Variants in USP45 observed in about 807,000 individuals in gnomAD.
USP45 encodes ubiquitin specific peptidase 45.
Under a neutral mutation model 95.8 loss-of-function variants are expected in USP45, and 89 were observed. The observed-to-expected ratio is 0.93, with a 90% CI of 0.78 to 1.11. The LOEUF (loss-of-function observed/expected upper bound fraction) is 1.11, where lower values mean the gene tolerates loss of function less well. Ranked by LOEUF, USP45 falls within the 50% of genes least tolerant of loss-of-function variation. USP45 has a pLI of 0.00. For missense variants in USP45, 898 were observed against 942.5 expected (o/e 0.95, Z 0.62); for synonymous variants, 281 against 316.2 (o/e 0.89, Z 1.18).
chr6:99,461,057 G>C, intron 13 of USP45: 1 of 985,156 alleles, frequency 1.0e-6, no homozygotes, highest in Non-Finnish European at 1.2e-6. Context: ...AATTGTACCA[G>C]AGCACAATGC....
At chr6:99,455,625 T>A (rs1393529140) in intron 13 of USP45, among the ~76,000 whole-genome samples, 2 of 151,882 alleles carry the variant, frequency 1.3e-5, no homozygotes, top group Non-Finnish European at 2.9e-5. Context: ...ATGGAATCAA[T>A]CTAAGTGTCC....
At position 99,448,263 on chromosome 6, in the gene USP45, A is replaced by G. The variant is rs532137673; in HGVS notation, c.1309-1800T>C. Among the ~76,000 whole-genome samples, 15 of 152,340 alleles carry G rather than the reference A, an allele frequency of 9.8e-5. 1 individual carries two copies. The South Asian group carries it at 3.1e-3, about 32-fold the overall frequency. ...TCTCCTAGCTAAATGAGGAAGTTCG[A>G]ACCCAATGCAAATAAGTTAAAAACC... On this transcript the variant is annotated intron_variant, in intron 13 of 17. Transcript: ENST00000500704.
intron 13 of USP45, among the ~76,000 whole-genome samples, chr6:99,453,166 TAAAAAA>T (rs1784275306): frequency 1.7e-4 from 3 of 17,210 alleles, no homozygotes; most frequent in Non-Finnish European, 2.7e-4. Flanking sequence ...CCCTAGAACT[TAAAAAA>T]GAAAAAAAAA....
At chr6:99,443,794 A>C (rs911221857) in intron 14 of USP45, 132 bp from the exon 15 acceptor site, 2 of 582,892 alleles carry the variant, frequency 3.4e-6, no homozygotes, top group Admixed American at 6.7e-5. Context: ...TGATGAAAGG[A>C]CAGTCTTTAC....
intron 5 of USP45, among the ~76,000 whole-genome samples, chr6:99,500,449 C>T (rs749158871): frequency 3.3e-5 from 5 of 152,114 alleles, no homozygotes; most frequent in Admixed American, 6.6e-5. Context: ...TCCATCATAC[C>T]GTCCATGCTC....
At position 99,473,825 on chromosome 6, in the gene USP45, T is replaced by G. The variant is rs557750480; in HGVS notation, c.933+2318A>C. ...ACAAATTCACAGAACATCTACTATG[T>G]GCAAGGCACACAGGACAGAGACAAT... On this transcript the variant is annotated intron_variant, in intron 9 of 17. Coordinates refer to ENST00000500704, the MANE Select transcript of USP45 (RefSeq NM_001346022.3). 3.5e-4 allele frequency among the ~76,000 whole-genome samples: 35 copies of G among 100,704 alleles called. 1 individual carries two copies. The highest frequency in any genetic ancestry group is 1.3e-3 in the African/African-American group (32 of 25,568). 66.1% of individuals were successfully genotyped at this position (100,704 alleles called of 152,430 possible). A position where few individuals can be genotyped will look rare whatever the true frequency, so the allele number is the denominator to read the frequency against.
At chr6:99,461,384 G>A (rs868703871) in intron 13 of USP45, 67 of 985,244 alleles carry the variant, frequency 6.8e-5, no homozygotes, top group Middle Eastern at 1.0e-3. Context: ...CTTAGTTTTT[G>A]GTTCAAGAAG....
intron 8 of USP45, among the ~76,000 whole-genome samples, chr6:99,478,484 A>G (rs1163905896): frequency 6.6e-6 from 1 of 152,160 alleles, no homozygotes; most frequent in Non-Finnish European, 1.5e-5. Flanking sequence ...TAAAAACCTC[A>G]AGGCATGAGA....
chr6:99,490,799 C>A (rs953966287), intron 5 of USP45, among the ~76,000 whole-genome samples: 1 of 151,910 alleles, frequency 6.6e-6, no homozygotes, highest in Non-Finnish European at 1.5e-5. Flanking sequence ...GAGATGAACC[C>A]GAGTGGGAGT....
Position 99,510,109 on chromosome 6 carries a change from A to T in USP45, c.100+12T>A, listed in dbSNP as rs909056012. ...CTCAACACTATTTGGGATGCCATAT[A>T]TCACAATTTACCAGCAATATCATCT... On this transcript the variant is annotated intron_variant, in intron 2 of 17. Transcript: ENST00000500704. 1 of 1,586,794 alleles carries T rather than the reference A, an allele frequency of 6.3e-7. No homozygotes were observed. Among genetic ancestry groups the T allele is most frequent in the African/African-American group, 1.3e-5 (1 of 74,362 alleles).
At chr6:99,506,329 T>C (rs1798516599) in intron 4 of USP45, among the ~76,000 whole-genome samples, 1 of 152,134 alleles carries the variant, frequency 6.6e-6, no homozygotes, top group Admixed American at 6.5e-5. Flanking sequence ...TAAAAAAACT[T>C]GTTTTTGGTT....
At chr6:99,475,712 A>C (rs1448559664) in intron 9 of USP45, among the ~76,000 whole-genome samples, 1 of 152,242 alleles carries the variant, frequency 6.6e-6, no homozygotes, top group African/African-American at 2.4e-5. Context: ...GATAAAGGTA[A>C]ATATCTTACA....
At chr6:99,471,885 G>A (rs1301179699) in intron 9 of USP45, among the ~76,000 whole-genome samples, 2 of 152,158 alleles carry the variant, frequency 1.3e-5, no homozygotes, top group Non-Finnish European at 2.9e-5. Flanking sequence ...TGATACTGTA[G>A]CTGACCGTCA....
At chr6:99,507,332 G>A (rs1798769397) in intron 4 of USP45, 96 bp downstream of exon 4, 1 of 610,134 alleles carries the variant, frequency 1.6e-6, no homozygotes, top group East Asian at 2.9e-5. Context: ...TAAGCTGATA[G>A]AACATCTTTA....
chr6:99,447,165 C>A (rs144135461), intron 13 of USP45, among the ~76,000 whole-genome samples: 3 of 151,854 alleles, frequency 2.0e-5, no homozygotes, highest in African/African-American at 7.3e-5. Flanking sequence ...AAGAAAATTA[C>A]GGGAAAAAAA....
At chr6:99,492,089 AAC>A (rs1795300062) in intron 5 of USP45, among the ~76,000 whole-genome samples, 1 of 152,272 alleles carries the variant, frequency 6.6e-6, no homozygotes. Context: ...ACATTTATCC[AAC>A]AGTTTTCAAA....
intron 5 of USP45, chr6:99,502,141 A>C: frequency 9.8e-7 from 1 of 1,015,620 alleles, no homozygotes; most frequent in Non-Finnish European, 1.3e-6. Context: ...CCAAAACTCC[A>C]GTGAGCTTCC....
Position 99,484,819 on chromosome 6 carries a change from T to C in USP45, c.715-1936A>G, listed in dbSNP as rs1276442551. ...AAAAAAAAAAAAGTGTTTTCTCTTC[T>C]GCTGTAAACTTAAAACTGCTCTAAA... On this transcript the variant is annotated intron_variant, in intron 7 of 17. Coordinates refer to ENST00000500704, the MANE Select transcript of USP45 (RefSeq NM_001346022.3). Among the ~76,000 whole-genome samples the C allele has an allele frequency of 2.7e-5, 4 of 149,272 alleles. No homozygotes were observed. The Admixed American group carries it at 2.7e-4, about 10-fold the overall frequency.
intron 13 of USP45, among the ~76,000 whole-genome samples, chr6:99,463,800 C>CAAAAAA (rs398002416): frequency 2.4e-5 from 2 of 84,440 alleles, no homozygotes; most frequent in African/African-American, 4.2e-5. Context: ...GACTCCATCT[C>CAAAAAA]AAAAAAAAAA....
Sources: allele counts gnomAD v4.1 joint callset (sites outside exome capture counted in the v4.1 genomes callset), GRCh38; gene constraint gnomAD v4.1.1; transcripts MANE v1.5; gene names NCBI Gene and HGNC (gene_info 2026-07-23, HGNC 2026-07-21).